Variants in SAFB observed in about 807,000 individuals in gnomAD.
SAFB encodes the protein scaffold attachment factor B, also known as scaffold attachment factor B1.
SAFB carries 15 observed loss-of-function variants against 101.6 expected under a neutral mutation model. The observed-to-expected ratio is 0.15, with a 90% CI of 0.10 to 0.23. The LOEUF is 0.23. SAFB is among the 10% of genes least tolerant of loss of function. SAFB has a pLI of 1.00. For missense variants in SAFB, 930 were observed against 1,104.1 expected (o/e 0.84, Z 2.23); for synonymous variants, 449 against 407.5 (o/e 1.10, Z -1.23).
chr19:5,646,033 G>C (rs1250086869), intron 5 of SAFB, among the ~76,000 whole-genome samples: 1 of 152,096 alleles, frequency 6.6e-6, no homozygotes. Context: ...TTTTATATTT[G>C]TGGGTCTTGA....
intron 6 of SAFB, chr19:5,648,730 A>C (rs2053875489): frequency 1.6e-6 from 1 of 633,730 alleles, no homozygotes; most frequent in Non-Finnish European, 2.9e-6. Context: ...GAAGACTGTC[A>C]AGAATCAGCC....
rs60436199 is a variant in SAFB, at chr19:5,641,836, G to T, written c.436G>T (p.Asp146Tyr). The T allele has an allele frequency of 2.5e-6, 4 of 1,614,156 alleles. No individual in the cohort carries two copies. The highest frequency in any genetic ancestry group is 3.4e-6 in the Non-Finnish European group (4 of 1,180,018). Residue 146 changes from aspartate to tyrosine, a missense_variant, in exon 4 of 21, where the codon GAT (aspartate) becomes TAT (tyrosine). Physicochemically the swap from Asp to Tyr is radical, Grantham distance 160 (BLOSUM62 -3). Coordinates refer to ENST00000588852, the MANE Select transcript of SAFB (RefSeq NM_001201338.2). ...AGAAATTGATAATGGAAGCGTTGCA[G>T]ATTGTGTCGAAGACGATGATGCTGA... ...EAEIDNGSVA[D>Y]CVEDDDADNL...
At chr19:5,628,916 C>T (rs2053427279) in intron 2 of SAFB, among the ~76,000 whole-genome samples, 1 of 152,180 alleles carries the variant, frequency 6.6e-6, no homozygotes. Flanking sequence ...AATACTTGTA[C>T]TACAGGCTTT....
intron 17 of SAFB, chr19:5,665,313 T>C (rs1243438120): frequency 6.6e-6 from 1 of 152,124 alleles, no homozygotes; most frequent in Non-Finnish European, 1.5e-5. Context: ...TGGAGGAGCA[T>C]ACACCAATGG....
At chr19:5,655,510 A>G (rs2054039248) in intron 13 of SAFB, among the ~76,000 whole-genome samples, 1 of 150,566 alleles carries the variant, frequency 6.6e-6, no homozygotes, top group Non-Finnish European at 1.5e-5. Context: ...TGGTCTGTGC[A>G]CACCGAGCCA....
intron 4 of SAFB, among the ~76,000 whole-genome samples, chr19:5,644,586 C>T (rs2053787661): frequency 6.6e-6 from 1 of 152,130 alleles, no homozygotes; most frequent in Admixed American, 6.6e-5. Flanking sequence ...GTCTTCTGAT[C>T]GTGTGCGTGT....
At chr19:5,636,786 G>A (rs1179606880) in intron 2 of SAFB, among the ~76,000 whole-genome samples, 7 of 151,896 alleles carry the variant, frequency 4.6e-5, no homozygotes, top group Non-Finnish European at 7.4e-5. Flanking sequence ...TCAGCTCACC[G>A]CAACCTCCAC....
At chr19:5,642,170 G>A in intron 4 of SAFB, 1 of 592,438 alleles carries the variant, frequency 1.7e-6, no homozygotes, top group Non-Finnish European at 3.1e-6. Context: ...TACAGTATGA[G>A]ACATTTTGAG....
chr19:5,666,994 C>G (rs1489295068), intron 17 of SAFB, 52 bp from the exon 18 acceptor site: 4 of 1,133,256 alleles, frequency 3.5e-6, no homozygotes, highest in Non-Finnish European at 5.4e-6. Context: ...GCCTTGGGGT[C>G]TGGGCGCTGA....
In SAFB at chr19:5,623,398, G is replaced by A. The variant is rs1346411816; in HGVS notation, c.189+4G>A. On this transcript the variant is annotated splice_donor_region_variant and intron_variant, in intron 1 of 20. Transcript: ENST00000588852. The stretch of plus-strand genomic sequence containing the variant: ...TTTGATGGAGCGGCTGAAGAAGGTG[G>A]ATTTGGGGCCCCGAGGGCGGGCACA... 3 of 1,610,774 alleles carry A rather than the reference G, an allele frequency of 1.9e-6. No homozygotes were observed. The Admixed American group carries it at 5.0e-5, about 27-fold the overall frequency.
chr19:5,659,914 G>A (rs75001551), intron 14 of SAFB, among the ~76,000 whole-genome samples: 7 of 152,198 alleles, frequency 4.6e-5, no homozygotes, highest in Admixed American at 2.6e-4. Flanking sequence ...CCGTCAGGTT[G>A]TGAGCATTTG....
At chr19:5,633,778 CAA>C (rs555460053) in intron 2 of SAFB, among the ~76,000 whole-genome samples, 9 of 120,734 alleles carry the variant, frequency 7.5e-5, no homozygotes, top group Admixed American at 8.4e-5. Context: ...GACTCCGTCT[CAA>C]AAAAAAAAAA....
At position 5,632,581 on chromosome 19, in the gene SAFB, G is replaced by A. The variant is rs117518271; in HGVS notation, c.274+6092G>A. On this transcript the variant is annotated intron_variant, in intron 2 of 20. Coordinates refer to ENST00000588852, the MANE Select transcript of SAFB (RefSeq NM_001201338.2). ...ATGTCCAGAGTCATGCATTGCATCA[G>A]GTTGTCATGTTTCCTTAGTTTTCTT... Among the ~76,000 whole-genome samples, 1,121 of 152,224 alleles carry A rather than the reference G, an allele frequency of 7.4e-3. 11 individuals are homozygous for A. Among genetic ancestry groups the A allele is most frequent in the Non-Finnish European group, 0.012 (817 of 68,018 alleles).
rs200977093 is a variant in SAFB at position 5,645,366 on chromosome 19, A to T, written c.576A>T (p.Leu192Phe). ...AIEDKETINNLDTSSSDFTIL... is the reference protein window; with the variant it reads ...AIEDKETINNFDTSSSDFTIL... ...AGGACAAAGAAACTATAAACAATTT[A>T]GATACTTCATCATCTGACTTCACTA... is the stretch of plus-strand genomic sequence containing the variant. The change falls in exon 5 of 21, where the codon TTA becomes TTT. Residue 192 changes from leucine to phenylalanine, a missense_variant. Around this residue, in one of 7 missense-constraint regions of SAFB, gnomAD observed 130 missense variants for 114.2 expected, o/e 1.14. Coordinates refer to ENST00000588852, the MANE Select transcript of SAFB (RefSeq NM_001201338.2). 413 of 1,371,216 alleles carry T rather than the reference A, an allele frequency of 3.0e-4. 2 individuals carry two copies. The highest frequency in any genetic ancestry group is 1.1e-3 in the South Asian group (96 of 85,656). The allele number at this position is 1,371,216 out of a possible 1,614,324, so 84.9% of individuals were successfully genotyped here. A position where few individuals can be genotyped will look rare whatever the true frequency, so the allele number is the denominator to read the frequency against.
intron 13 of SAFB, among the ~76,000 whole-genome samples, 192 bp downstream of exon 13, chr19:5,654,648 A>G (rs1182209951): frequency 6.6e-6 from 1 of 152,172 alleles, no homozygotes; most frequent in African/African-American, 2.4e-5. Flanking sequence ...CAGTGGTGCG[A>G]TCTTGGCTCA....
intron 16 of SAFB, 114 bp downstream of exon 16, chr19:5,664,273 T>A: frequency 7.0e-7 from 1 of 1,433,918 alleles, no homozygotes; most frequent in South Asian, 1.2e-5. Flanking sequence ...GTATGCTGAG[T>A]CAGACCCGCA....
chr19:5,664,429 GAGA>G lies in SAFB; in HGVS notation c.2327_2329del (p.Glu776del). On this transcript the variant is annotated inframe_deletion, in exon 17 of 21. Coordinates refer to ENST00000588852, the MANE Select transcript of SAFB (RefSeq NM_001201338.2). ...GGTTCAAGGTCAATGATGGGAGAAC[GAGA>G]AGGACAGGTAAGTCTGAAGCTACAG... The G allele has an allele frequency of 6.2e-7, 1 of 1,613,212 alleles. No individual in the cohort carries two copies. The highest frequency in any genetic ancestry group is 8.5e-7 in the Non-Finnish European group (1 of 1,179,164).
intron 14 of SAFB, among the ~76,000 whole-genome samples, chr19:5,660,704 C>CAAAAAAAA: frequency 1.3e-5 from 1 of 76,588 alleles, no homozygotes; most frequent in Non-Finnish European, 2.5e-5. Context: ...CCATCTCTAC[C>CAAAAAAAA]AAAAAAAAAA....
chr19:5,662,059 G>A (rs2054222719), intron 15 of SAFB, among the ~76,000 whole-genome samples: 1 of 151,530 alleles, frequency 6.6e-6, no homozygotes. Flanking sequence ...TAATTTTTTT[G>A]TATTTTCAGT....
Sources: allele counts gnomAD v4.1 joint callset (sites outside exome capture counted in the v4.1 genomes callset), GRCh38; gene constraint gnomAD v4.1.1; regional missense constraint gnomAD v4.1.1; transcripts MANE v1.5; gene names NCBI Gene and HGNC (gene_info 2026-07-23, HGNC 2026-07-21).